The following MRPS9 variants were observed in gnomAD, a reference collection of about 807,000 sequenced individuals.
MRPS9 encodes mitochondrial ribosomal protein S9.
In MRPS9, 45 loss-of-function variants were observed where a neutral mutation model predicts 59.9. That is an observed-to-expected ratio of 0.75 (90% CI 0.59 to 0.96). The LOEUF is 0.96. Ranked by LOEUF, MRPS9 falls within the 40% of genes least tolerant of loss-of-function variation. The pLI, the probability that MRPS9 is intolerant of heterozygous loss-of-function variation, is 0.00. For synonymous variants in MRPS9, 171 were observed against 166.8 expected (o/e 1.03, Z -0.19); for missense variants, 473 against 481.1 (o/e 0.98, Z 0.16).
At chr2:105,048,391 T>A (rs948218289) in intron 1 of MRPS9, among the ~76,000 whole-genome samples, 2 of 151,812 alleles carry the variant, frequency 1.3e-5, no homozygotes, top group African/African-American at 2.4e-5. Context: ...TTAGGAGATA[T>A]ACCTAATGCT....
chr2:105,065,850 C>T (rs1679989113), intron 2 of MRPS9, among the ~76,000 whole-genome samples: 1 of 152,116 alleles, frequency 6.6e-6, no homozygotes, highest in Non-Finnish European at 1.5e-5. Flanking sequence ...TGTGTTTTAA[C>T]AACTGTGTGG....
At position 105,099,401 on chromosome 2, in the gene MRPS9, A is replaced by G. The variant is rs1487117784; in HGVS notation, c.1100-269A>G. 1.8e-5 allele frequency: 5 copies of G among 283,654 alleles called. No individual in the cohort carries two copies. In the East Asian group the frequency reaches 3.3e-4, roughly 19 times the overall value. 17.6% of individuals were successfully genotyped at this position (283,654 alleles called of 1,614,324 possible). Reference sequence around the variant, plus strand: ...CTTAGGTTGAGCAAGCTTAAAAACCAAAAGGGAGCCATGATTCTTATAATT... The same window carrying G: ...CTTAGGTTGAGCAAGCTTAAAAACCGAAAGGGAGCCATGATTCTTATAATT... On this transcript the variant is annotated intron_variant, in intron 10 of 10. Coordinates refer to ENST00000258455, the MANE Select transcript of MRPS9 (RefSeq NM_182640.3).
chr2:105,061,164 G>GCAAATGCCTT (rs1679893935), intron 2 of MRPS9, among the ~76,000 whole-genome samples: 1 of 147,080 alleles, frequency 6.8e-6, no homozygotes, highest in Non-Finnish European at 1.5e-5. Context: ...AAGGGCTTGA[G>GCAAATGCCTT]CAAATGCCTT....
chr2:105,080,839 C>G (rs536169002), intron 5 of MRPS9, among the ~76,000 whole-genome samples: 1 of 152,172 alleles, frequency 6.6e-6, no homozygotes, highest in South Asian at 2.1e-4. Context: ...TTAGAATTAT[C>G]TGCTGTTTAT....
intron 4 of MRPS9, among the ~76,000 whole-genome samples, chr2:105,073,040 A>T (rs1009212704): frequency 6.6e-6 from 1 of 152,226 alleles, no homozygotes; most frequent in African/African-American, 2.4e-5. Flanking sequence ...CACAGGGCAC[A>T]GTAACTTACA....
chr2:105,055,551 G>A (rs867735835), intron 2 of MRPS9, among the ~76,000 whole-genome samples: 55 of 140,078 alleles, frequency 3.9e-4, no homozygotes, highest in African/African-American at 1.4e-3. Context: ...AATATAGCGG[G>A]CCCCTTTTGG....
intron 1 of MRPS9, among the ~76,000 whole-genome samples, chr2:105,039,317 G>GTTTT (rs11423412): frequency 1.5e-5 from 2 of 134,352 alleles, no homozygotes; most frequent in African/African-American, 2.8e-5. Flanking sequence ...GTGGACATTT[G>GTTTT]TTTTTTTTTT....
chr2:105,044,302 GT>G (rs962196296), intron 1 of MRPS9, among the ~76,000 whole-genome samples: 1 of 152,094 alleles, frequency 6.6e-6, no homozygotes, highest in African/African-American at 2.4e-5. Flanking sequence ...CTAAAGATCT[GT>G]TTTTTTCACA....
intron 2 of MRPS9, among the ~76,000 whole-genome samples, chr2:105,054,570 A>G (rs1479586236): frequency 1.3e-5 from 2 of 152,014 alleles, no homozygotes; most frequent in African/African-American, 4.8e-5. Flanking sequence ...ATTTTATTAA[A>G]TATAGCGGAC....
chr2:105,040,594 T>C (rs1679484219), intron 1 of MRPS9, among the ~76,000 whole-genome samples: 3 of 152,212 alleles, frequency 2.0e-5, no homozygotes, highest in South Asian at 2.1e-4. Context: ...GTTGAGACCT[T>C]CACTAGCAGA....
In MRPS9 at chr2:105,051,473, G is replaced by A. The variant is rs1389844786; in HGVS notation, c.315+2123G>A. 3.9e-5 allele frequency among the ~76,000 whole-genome samples: 6 copies of A among 152,150 alleles called. No individual in the cohort carries two copies. In the East Asian group the frequency reaches 1.2e-3, roughly 29 times the overall value. On this transcript the variant is annotated intron_variant, in intron 2 of 10. Transcript: ENST00000258455. ...TAAGTTTTGAAATTGGGAAGTGTAA[G>A]TAGTCTTCTTTCCTTCTTGCTTTTA... is the stretch of plus-strand genomic sequence containing the variant.
chr2:105,092,450 G>C lies in MRPS9; in HGVS notation c.701G>C (p.Gly234Ala), dbSNP rs149588889. The part of the protein sequence containing the change: ...LLEKLLTSQC[G>A]AAEEEFVQRF... ...GAAAAGTTATTGACATCGCAGTGTG[G>C]TGCTGCTGAGGAAGAATTTGTGCAG... Residue 234 changes from glycine (G) to alanine (A), a missense_variant, in exon 8 of 11, where the codon GGT becomes GCT. Coordinates refer to ENST00000258455, the MANE Select transcript of MRPS9 (RefSeq NM_182640.3). 8 of 1,613,830 alleles carry C rather than the reference G, an allele frequency of 5.0e-6. No homozygotes were observed. The East Asian group carries it at 1.6e-4, about 31-fold the overall frequency.
At chr2:105,040,713 A>C (rs928270886) in intron 1 of MRPS9, among the ~76,000 whole-genome samples, 1 of 152,170 alleles carries the variant, frequency 6.6e-6, no homozygotes, top group African/African-American at 2.4e-5. Flanking sequence ...CAGTCTTATG[A>C]ATGGCCAAAC....
chr2:105,085,119 G>A (rs1248461088), intron 5 of MRPS9, among the ~76,000 whole-genome samples: 6 of 152,050 alleles, frequency 3.9e-5, no homozygotes, highest in African/African-American at 1.2e-4. Context: ...ATGTTGAATG[G>A]CATTTACATG....
rs563485567 is a variant in MRPS9, at chr2:105,050,950, C to T, written c.315+1600C>T. 1.8e-4 allele frequency among the ~76,000 whole-genome samples: 28 copies of T among 152,202 alleles called. No homozygotes were observed. The South Asian group carries it at 4.8e-3, about 26-fold the overall frequency. On this transcript the variant is annotated intron_variant, in intron 2 of 10. Coordinates refer to ENST00000258455, the MANE Select transcript of MRPS9 (RefSeq NM_182640.3). ...TTCCTTTTTATTACTGAATAGTTTT[C>T]GATTGTATGGATATACCACATTTTA...
chr2:105,098,729 C>G (rs12616421), intron 10 of MRPS9: 1 of 152,012 alleles, frequency 6.6e-6, no homozygotes, highest in African/African-American at 2.4e-5. Context: ...TTCCTTTGCT[C>G]TATGTACATT....
chr2:105,073,680 C>T (rs1286110212), intron 4 of MRPS9, among the ~76,000 whole-genome samples: 1 of 152,084 alleles, frequency 6.6e-6, no homozygotes, highest in Non-Finnish European at 1.5e-5. Flanking sequence ...ACAAAGATGA[C>T]TACTGGGTCA....
rs1654041167 is a variant in MRPS9 at position 105,079,931 on chromosome 2, G to T, written c.410-52G>T. 3.8e-6 allele frequency: 5 copies of T among 1,308,260 alleles called. No individual in the cohort carries two copies. In the South Asian group the frequency reaches 5.3e-5, roughly 14 times the overall value. 81.0% of individuals were successfully genotyped at this position (1,308,260 alleles called of 1,614,324 possible). Reference sequence around the variant, plus strand: ...AACTGTGGTTAAATGCAGCTATTTGGTCTGTCTCTGTGTATATTTTTATTT... The same window carrying T: ...AACTGTGGTTAAATGCAGCTATTTGTTCTGTCTCTGTGTATATTTTTATTT... On this transcript the variant is annotated intron_variant, in intron 4 of 10. Transcript: ENST00000258455.
intron 2 of MRPS9, among the ~76,000 whole-genome samples, chr2:105,065,278 G>T (rs1679979517): frequency 6.6e-6 from 1 of 152,216 alleles, no homozygotes; most frequent in Non-Finnish European, 1.5e-5. Flanking sequence ...GAGAAGATTG[G>T]TTCCCTGGTG....
Sources: allele counts gnomAD v4.1 joint callset (sites outside exome capture counted in the v4.1 genomes callset), GRCh38; gene constraint gnomAD v4.1.1; transcripts MANE v1.5; gene names NCBI Gene and HGNC (gene_info 2026-07-23, HGNC 2026-07-21).